The following RAB22A variants were observed in gnomAD, a reference collection of about 807,000 sequenced individuals.
The protein encoded by RAB22A is ras-related protein Rab-22A.
In RAB22A, 13 loss-of-function variants were observed where a neutral mutation model predicts 30.2. The observed-to-expected ratio is 0.43, with a 90% CI of 0.28 to 0.68. The LOEUF (loss-of-function observed/expected upper bound fraction) is 0.68, where lower values mean the gene tolerates loss of function less well. RAB22A is among the 30% of genes least tolerant of loss of function. The pLI is 0.18. For synonymous variants in RAB22A, 89 were observed against 87.2 expected (o/e 1.02, Z -0.11); for missense variants, 177 against 246.8 (o/e 0.72, Z 1.89).
At position 58,319,144 on chromosome 20, in the gene RAB22A, GA is replaced by G. The variant is rs369752561; in HGVS notation, c.116+8032del. On this transcript the variant is annotated intron_variant, in intron 2 of 6. Transcript: ENST00000244040. ...TCTAGGATGATTAGACTGACATATG[GA>G]AAAAAAAAAGATTCTTGACCCTTAC... 8.2e-5 allele frequency among the ~76,000 whole-genome samples: 12 copies of G among 146,874 alleles called. No individual in the cohort carries two copies. In the South Asian group the frequency reaches 1.3e-3, roughly 16 times the overall value.
intron 2 of RAB22A, among the ~76,000 whole-genome samples, chr20:58,342,868 T>C (rs1198196057): frequency 6.6e-6 from 1 of 152,120 alleles, no homozygotes; most frequent in African/African-American, 2.4e-5. Context: ...ATCCTGAACC[T>C]GTGTCCTGGA....
chr20:58,315,561 C>CGG (rs3838011), intron 2 of RAB22A, among the ~76,000 whole-genome samples: 6,956 of 151,828 alleles, frequency 0.046, 218 homozygotes, highest in African/African-American at 0.085. Flanking sequence ...GAGGTTGGGG[C>CGG]GGGGGGTCAT....
At chr20:58,332,983 A>AAT (rs920289861) in intron 2 of RAB22A, among the ~76,000 whole-genome samples, 6 of 151,514 alleles carry the variant, frequency 4.0e-5, no homozygotes, top group Non-Finnish European at 8.8e-5. Context: ...ATAGTTTAAA[A>AAT]ATATATATAT....
intron 2 of RAB22A, among the ~76,000 whole-genome samples, chr20:58,325,723 C>T (rs895038863): frequency 1.3e-5 from 2 of 152,076 alleles, no homozygotes; most frequent in Non-Finnish European, 1.5e-5. Context: ...TGATATAAAT[C>T]CTTGGAAGTC....
intron 2 of RAB22A, among the ~76,000 whole-genome samples, chr20:58,327,513 A>G (rs1986588964): frequency 6.6e-6 from 1 of 152,208 alleles, no homozygotes; most frequent in South Asian, 2.1e-4. Context: ...TGTCCTCATA[A>G]CAAAGTAGCT....
intron 2 of RAB22A, among the ~76,000 whole-genome samples, chr20:58,314,607 A>G (rs1986298857): frequency 6.6e-6 from 1 of 152,106 alleles, no homozygotes; most frequent in Non-Finnish European, 1.5e-5. Flanking sequence ...TTCGGAGGCC[A>G]AGACGGGTGG....
Position 58,343,775 on chromosome 20 carries a change from C to T in RAB22A, c.174C>T (p.Ile58=). The T allele has an allele frequency of 6.2e-7, 1 of 1,610,580 alleles. No individual in the cohort carries two copies. Among genetic ancestry groups the T allele is most frequent in the Non-Finnish European group, 8.5e-7 (1 of 1,176,762 alleles). Residue 58 remains isoleucine, a synonymous_variant, in exon 3 of 7, where the codon ATC becomes ATT. Coordinates refer to ENST00000244040, the MANE Select transcript of RAB22A (RefSeq NM_020673.3). ...AAAATGAGCTACATAAATTCCTAAT[C>T]TGGGATACAGCTGGACAAGAACGAG... ...QYQNELHKFL[I]WDTAGQERFR...
intron 2 of RAB22A, among the ~76,000 whole-genome samples, chr20:58,332,232 CAATA>C (rs987196717): frequency 2.0e-5 from 3 of 152,156 alleles, no homozygotes; most frequent in African/African-American, 4.8e-5. Flanking sequence ...AACTAAACTT[CAATA>C]AGTGATAGAC....
At chr20:58,321,764 T>G (rs770416486) in intron 2 of RAB22A, among the ~76,000 whole-genome samples, 3 of 150,050 alleles carry the variant, frequency 2.0e-5, no homozygotes, top group Non-Finnish European at 4.4e-5. Flanking sequence ...TTATATATAT[T>G]ATATGTATGA....
intron 2 of RAB22A, among the ~76,000 whole-genome samples, chr20:58,331,066 A>T (rs1457989859): frequency 3.3e-5 from 5 of 152,024 alleles, no homozygotes. Flanking sequence ...ATTTTTTATC[A>T]CTTTCTTCCT....
chr20:58,351,371 A>G (rs1987046968), intron 3 of RAB22A, among the ~76,000 whole-genome samples: 1 of 152,126 alleles, frequency 6.6e-6, no homozygotes, highest in Non-Finnish European at 1.5e-5. Flanking sequence ...TATATATTAT[A>G]GTTACAAAAG....
intron 1 of RAB22A, among the ~76,000 whole-genome samples, chr20:58,310,267 C>T (rs1419765256): frequency 6.6e-6 from 1 of 151,860 alleles, no homozygotes; most frequent in Non-Finnish European, 1.5e-5. Context: ...AAAGAGCAAA[C>T]AGCCCCCCCT....
At chr20:58,313,691 GT>G (rs1186871132) in intron 2 of RAB22A, among the ~76,000 whole-genome samples, 3 of 152,168 alleles carry the variant, frequency 2.0e-5, no homozygotes, top group Admixed American at 2.0e-4. Flanking sequence ...TTTCTTGGTA[GT>G]TTTCTTTATT....
intron 6 of RAB22A, among the ~76,000 whole-genome samples, chr20:58,359,101 C>A (rs1032942860): frequency 1.3e-5 from 2 of 152,080 alleles, no homozygotes; most frequent in African/African-American, 4.8e-5. Context: ...GAAGGCTACA[C>A]GAGAAATGGG....
At chr20:58,329,084 C>T (rs1284295291) in intron 2 of RAB22A, among the ~76,000 whole-genome samples, 2 of 145,656 alleles carry the variant, frequency 1.4e-5, no homozygotes, top group Non-Finnish European at 3.0e-5. Flanking sequence ...GGCAGAGCCT[C>T]ATTCTGTCAC....
chr20:58,310,130 C>G, intron 1 of RAB22A, 118 bp downstream of exon 1: 2 of 1,022,928 alleles, frequency 2.0e-6, no homozygotes, highest in Non-Finnish European at 2.5e-6. Flanking sequence ...TGTCTGCCAG[C>G]CCCGTGGACC....
At chr20:58,350,927 G>A (rs117033545) in intron 3 of RAB22A, among the ~76,000 whole-genome samples, 161 of 152,296 alleles carry the variant, frequency 1.1e-3, no homozygotes, top group Non-Finnish European at 2.1e-3. Flanking sequence ...AGCATATATA[G>A]ATTTAGATTA....
At chr20:58,316,529 A>G (rs533358972) in intron 2 of RAB22A, among the ~76,000 whole-genome samples, 13 of 152,148 alleles carry the variant, frequency 8.5e-5, no homozygotes, top group African/African-American at 3.1e-4. Context: ...CACTACACAT[A>G]CGCTGTAAGA....
At chr20:58,336,150 T>C (rs1169460029) in intron 2 of RAB22A, among the ~76,000 whole-genome samples, 3 of 151,930 alleles carry the variant, frequency 2.0e-5, no homozygotes, top group South Asian at 4.2e-4. Flanking sequence ...GCTGGAATTA[T>C]AGGCGCCCAC....
Sources: gnomAD v4.1 joint callset for allele counts (sites outside exome capture counted in the v4.1 genomes callset) on GRCh38, gnomAD v4.1.1 for gene constraint, MANE v1.5 for transcripts, NCBI Gene and HGNC (gene_info 2026-07-23, HGNC 2026-07-21) for gene names.